The following EDA variants were observed in gnomAD, a reference collection of about 807,000 sequenced individuals.
The protein encoded by EDA is ectodysplasin-A.
In EDA, 2 loss-of-function variants were observed where a neutral mutation model predicts 23.6. The ratio of observed to expected loss-of-function variants is 0.08; its 90% CI spans 0.03 to 0.27. EDA has a LOEUF of 0.27. EDA is among the 10% of genes least tolerant of loss of function. EDA has a pLI of 1.00. For missense variants in EDA, 229 were observed against 324.2 expected, an observed-to-expected ratio of 0.71 and a Z score of 2.26; for synonymous variants, 131 against 132.0, an observed-to-expected ratio of 0.99 and a Z score of 0.05.
chrX:69,636,383 A>G (rs1441637205), intron 1 of EDA, among the ~76,000 whole-genome samples: 3 of 110,482 alleles, frequency 2.7e-5, no homozygotes, highest in African/African-American at 9.9e-5. Flanking sequence ...AGCCAGTAGA[A>G]CTGTGAGCCA....
At chrX:69,810,019 T>TG (rs1413669191) in intron 1 of EDA, among the ~76,000 whole-genome samples, 2 of 108,768 alleles carry the variant, frequency 1.8e-5, no homozygotes, top group African/African-American at 6.7e-5. Flanking sequence ...CCCAGCACTT[T>TG]GGGGGGCTGA....
intron 1 of EDA, among the ~76,000 whole-genome samples, chrX:69,757,247 AACTT>A (rs1482369367): frequency 1.8e-5 from 2 of 111,224 alleles, no homozygotes; most frequent in Non-Finnish European, 3.8e-5. Context: ...ACTAAGAAGA[AACTT>A]AATAGTTAAG....
chrX:69,811,650 C>T (rs1446758983), intron 1 of EDA, among the ~76,000 whole-genome samples: 2 of 111,987 alleles, frequency 1.8e-5, no homozygotes, highest in Non-Finnish European at 3.8e-5. Context: ...TAATTCCCCT[C>T]ACCCAAAATG....
chrX:69,838,377 C>T (rs1269272990), intron 1 of EDA, among the ~76,000 whole-genome samples: 1 of 113,103 alleles, frequency 8.8e-6, no homozygotes. Flanking sequence ...CCTGTAATCC[C>T]AGCACTTTGG....
intron 1 of EDA, among the ~76,000 whole-genome samples, chrX:69,822,474 C>T (rs2016252993): frequency 9.0e-6 from 1 of 110,892 alleles, no homozygotes; most frequent in Non-Finnish European, 1.9e-5. Flanking sequence ...TAGAGAAGAG[C>T]ATTGAGGGAC....
At chrX:69,677,075 G>A (rs180835315) in intron 1 of EDA, among the ~76,000 whole-genome samples, 5,625 of 95,628 alleles carry the variant, frequency 0.059, 184 homozygotes, top group Non-Finnish European at 0.082. Context: ...GAGAATATGC[G>A]GTGTTTGGTT....
chrX:69,834,680 G>A (rs2016722266), intron 1 of EDA, among the ~76,000 whole-genome samples: 1 of 111,056 alleles, frequency 9.0e-6, no homozygotes, highest in African/African-American at 3.3e-5. Flanking sequence ...TTGCCAGTCT[G>A]TGTCTTTTAA....
chrX:69,820,153 C>T (rs1204024558), intron 1 of EDA, among the ~76,000 whole-genome samples: 1 of 111,567 alleles, frequency 9.0e-6, no homozygotes, highest in Non-Finnish European at 1.9e-5. Context: ...AAATGACTCC[C>T]TATTTAGTAA....
intron 1 of EDA, among the ~76,000 whole-genome samples, chrX:69,865,629 C>A (rs923723444): frequency 1.8e-5 from 2 of 111,869 alleles, no homozygotes; most frequent in African/African-American, 3.3e-5. Context: ...CACAGACACA[C>A]CCAAGATTAA....
intron 1 of EDA, among the ~76,000 whole-genome samples, chrX:69,868,433 T>G (rs2147605514): frequency 8.9e-6 from 1 of 112,066 alleles, no homozygotes; most frequent in African/African-American, 3.2e-5. Flanking sequence ...AGAAGGAATA[T>G]CTTGACAGGC....
At position 70,035,629 on chromosome X, in the gene EDA, T is replaced by C. The variant is rs745634069; in HGVS notation, c.*20T>C. 1.1e-5 allele frequency: 13 copies of C among 1,206,444 alleles called. No homozygotes were observed. In the South Asian group the frequency reaches 2.3e-4, roughly 21 times the overall value. On this transcript the variant is annotated 3_prime_UTR_variant, in exon 8 of 8. Transcript: ENST00000374552. ...TCCTAGATTCCCCCCATTTTGCCTC[T>C]GTCCGTGCCCCTTCCCTGGGTTTGG...
chrX:70,018,594 C>T (rs1014613676), intron 2 of EDA, among the ~76,000 whole-genome samples: 4 of 112,126 alleles, frequency 3.6e-5, no homozygotes, highest in African/African-American at 1.3e-4. Context: ...AAAGGACTTA[C>T]TATTCAATAA....
chrX:69,729,784 C>T (rs2012951899), intron 1 of EDA, among the ~76,000 whole-genome samples: 1 of 111,187 alleles, frequency 9.0e-6, no homozygotes, highest in Non-Finnish European at 1.9e-5. Context: ...GATCTTTGCA[C>T]TTTCTGATAC....
chrX:69,714,145 A>G (rs867528899), intron 1 of EDA, among the ~76,000 whole-genome samples: 7 of 111,018 alleles, frequency 6.3e-5, no homozygotes, highest in Middle Eastern at 9.2e-3. Flanking sequence ...AGTAATTTTA[A>G]TTTTAATTTC....
intron 1 of EDA, among the ~76,000 whole-genome samples, chrX:69,929,063 A>G (rs1426168354): frequency 9.0e-6 from 1 of 111,655 alleles, no homozygotes; most frequent in Non-Finnish European, 1.9e-5. Flanking sequence ...AAATAATGTA[A>G]AACATTTCTA....
chrX:69,788,140 C>T (rs1208740306), intron 1 of EDA, among the ~76,000 whole-genome samples: 6 of 111,698 alleles, frequency 5.4e-5, no homozygotes, highest in Non-Finnish European at 1.1e-4. Context: ...TTTTCAGCTC[C>T]ATCAGCTCCT....
chrX:69,646,922 A>T lies in EDA; in HGVS notation c.396+30218A>T, dbSNP rs780060811. On this transcript the variant is annotated intron_variant, in intron 1 of 7. Coordinates refer to ENST00000374552, the MANE Select transcript of EDA (RefSeq NM_001399.5). ...TGAATTCCAGCTTTTTCTTGTCTGA[A>T]GAGGATCTTATTTCTCCTTCACTTA... is the stretch of plus-strand genomic sequence containing the variant. Among the ~76,000 whole-genome samples, 77 of 111,593 alleles carry T rather than the reference A, an allele frequency of 6.9e-4. No homozygotes were observed. The Middle Eastern group carries it at 0.014, about 20-fold the overall frequency.
rs1233879472 is a variant in EDA at position 69,907,137 on chromosome X, C to T, written c.397-49890C>T. On this transcript the variant is annotated intron_variant, in intron 1 of 7. Transcript: ENST00000374552. Reference sequence around the variant, plus strand: ...GGTTCCACATCTATTATAGGCTTTACAAAAGCATATTTCAGAAATTAGGGA... The same window carrying T: ...GGTTCCACATCTATTATAGGCTTTATAAAAGCATATTTCAGAAATTAGGGA... Among the ~76,000 whole-genome samples the T allele has an allele frequency of 3.6e-5, 4 of 111,839 alleles. No individual in the cohort carries two copies. In the Admixed American group the frequency reaches 3.8e-4, roughly 11 times the overall value.
chrX:69,973,678 A>G, intron 2 of EDA, among the ~76,000 whole-genome samples: 1 of 111,670 alleles, frequency 9.0e-6, no homozygotes, highest in Non-Finnish European at 1.9e-5. Flanking sequence ...AGACTTATAC[A>G]GCGTCAAAAT....
Sources: gnomAD v4.1 joint callset for allele counts (sites outside exome capture counted in the v4.1 genomes callset) on GRCh38, gnomAD v4.1.1 for gene constraint, MANE v1.5 for transcripts, NCBI Gene and HGNC (gene_info 2026-07-23, HGNC 2026-07-21) for gene names.